Variants in PDE8B observed in about 807,000 individuals in gnomAD.
The protein encoded by PDE8B is phosphodiesterase 8B.
Under a neutral mutation model 101.3 loss-of-function variants are expected in PDE8B, and 26 were observed. The ratio of observed to expected loss-of-function variants is 0.26; its 90% CI spans 0.19 to 0.36. The LOEUF (loss-of-function observed/expected upper bound fraction) is 0.36. Among genes scored for constraint, PDE8B ranks in the 10% least tolerant of loss-of-function variants. PDE8B has a pLI of 1.00. For synonymous variants in PDE8B, 424 were observed against 429.3 expected, an observed-to-expected ratio of 0.99 and a Z score of 0.15; for missense variants, 810 against 1,163.1, an observed-to-expected ratio of 0.70 and a Z score of 4.42.
At chr5:77,122,897 G>A in the PDE8B span, among the ~76,000 whole-genome samples, 4 of 152,144 alleles carry the variant, frequency 2.6e-5, no homozygotes, top group African/African-American at 9.7e-5. Context: ...AAAAGGAAAC[G>A]AAAGGGGCAA....
chr5:77,370,175 A>G (rs1209601938), intron 10 of PDE8B, among the ~76,000 whole-genome samples: 4 of 152,222 alleles, frequency 2.6e-5, no homozygotes, highest in African/African-American at 7.2e-5. Context: ...TAAAATTAAC[A>G]TACAAAGAAA....
At chr5:77,378,809 T>TG (rs1469716791) in intron 10 of PDE8B, among the ~76,000 whole-genome samples, 1 of 152,208 alleles carries the variant, frequency 6.6e-6, no homozygotes, top group Non-Finnish European at 1.5e-5. Flanking sequence ...ACTCTGGGGA[T>TG]GGGGCCTATC....
the PDE8B span, among the ~76,000 whole-genome samples, chr5:77,179,000 T>G: frequency 6.6e-6 from 1 of 152,236 alleles, no homozygotes; most frequent in African/African-American, 2.4e-5. Context: ...CTTTGCCATG[T>G]TCCATAGGTG....
intron 1 of PDE8B, among the ~76,000 whole-genome samples, chr5:77,249,721 T>A (rs191456852): frequency 2.2e-4 from 34 of 152,356 alleles, no homozygotes; most frequent in East Asian, 1.7e-3. Flanking sequence ...TCCTGCCTTA[T>A]CAGCTGTCAA....
chr5:77,153,661 G>C, the PDE8B span, among the ~76,000 whole-genome samples: 1 of 143,098 alleles, frequency 7.0e-6, no homozygotes, highest in African/African-American at 2.7e-5. Flanking sequence ...TGCAACCTCC[G>C]CCTCCCAGAT....
chr5:77,120,012 A>G, the PDE8B span, among the ~76,000 whole-genome samples: 1 of 152,012 alleles, frequency 6.6e-6, no homozygotes, highest in Non-Finnish European at 1.5e-5. Flanking sequence ...ACAAAACAAA[A>G]CAAAACAAAA....
intron 1 of PDE8B, among the ~76,000 whole-genome samples, chr5:77,245,387 CTG>C (rs1756641709): frequency 6.6e-6 from 1 of 152,184 alleles, no homozygotes; most frequent in Admixed American, 6.5e-5. Context: ...TGTAACTTTT[CTG>C]TGACTTTATA....
At chr5:77,326,306 A>G (rs1479600) in intron 3 of PDE8B, among the ~76,000 whole-genome samples, 2,219 of 152,348 alleles carry the variant, frequency 0.015, 56 homozygotes, top group African/African-American at 0.05. Flanking sequence ...ATGCTCAGTC[A>G]TAAGAGTTAG....
At chr5:77,339,701 A>G (rs889249231) in intron 6 of PDE8B, among the ~76,000 whole-genome samples, 1 of 152,268 alleles carries the variant, frequency 6.6e-6, no homozygotes, top group South Asian at 2.1e-4. Flanking sequence ...TTCCCCTACA[A>G]TTCCGCCCCC....
At chr5:77,278,917 A>G (rs1764397890) in intron 1 of PDE8B, among the ~76,000 whole-genome samples, 1 of 152,212 alleles carries the variant, frequency 6.6e-6, no homozygotes. Flanking sequence ...TATGAAATAT[A>G]CAATGGGGAA....
chr5:77,298,377 T>C (rs549050492), intron 1 of PDE8B, among the ~76,000 whole-genome samples: 55 of 152,306 alleles, frequency 3.6e-4, no homozygotes, highest in African/African-American at 1.3e-3. Context: ...TTCTTGAAAT[T>C]GTGACGGTTT....
At chr5:77,096,338 A>G in the PDE8B span, among the ~76,000 whole-genome samples, 1 of 152,090 alleles carries the variant, frequency 6.6e-6, no homozygotes, top group Non-Finnish European at 1.5e-5. Flanking sequence ...GTACTTCCTT[A>G]CCATTCCCTA....
the PDE8B span, among the ~76,000 whole-genome samples, chr5:77,161,449 C>T: frequency 6.6e-6 from 1 of 151,952 alleles, no homozygotes; most frequent in East Asian, 1.9e-4. Flanking sequence ...TTTGATTATC[C>T]ATTCACCTAT....
intron 1 of PDE8B, among the ~76,000 whole-genome samples, chr5:77,221,586 A>C (rs1751108028): frequency 6.6e-6 from 1 of 152,184 alleles, no homozygotes; most frequent in South Asian, 2.1e-4. Context: ...GCTTATATCC[A>C]TTAGTCATTA....
rs71606290 is a variant in PDE8B, at chr5:77,397,026, A to ATTTTTTTTTTTTTTTT, written c.1168-3213_1168-3198dup. Among the ~76,000 whole-genome samples, 205 of 84,384 alleles carry ATTTTTTTTTTTTTTTT rather than the reference A, an allele frequency of 2.4e-3. 23 individuals carry two copies. The highest frequency in any genetic ancestry group is 0.01 in the African/African-American group (189 of 18,210). 55.4% of individuals were successfully genotyped at this position (84,384 alleles called of 152,430 possible). ...TTGGTTTCTATATTTCCGATAAGAA[A>ATTTTTTTTTTTTTTTT]TTTTTTTTTTTTTTTTTTTTTTTTG... On this transcript the variant is annotated intron_variant, in intron 10 of 21. Coordinates refer to ENST00000264917, the MANE Select transcript of PDE8B (RefSeq NM_003719.5).
intron 17 of PDE8B, among the ~76,000 whole-genome samples, chr5:77,414,753 A>G (rs1795201379): frequency 6.6e-6 from 1 of 152,024 alleles, no homozygotes; most frequent in Non-Finnish European, 1.5e-5. Context: ...TTTATACCAC[A>G]TGATGTTTCA....
chr5:77,093,550 C>G, the PDE8B span, among the ~76,000 whole-genome samples: 2 of 152,120 alleles, frequency 1.3e-5, no homozygotes, highest in African/African-American at 4.8e-5. Context: ...AAACTTTGCT[C>G]AACTAAAATT....
intron 9 of PDE8B, among the ~76,000 whole-genome samples, chr5:77,351,694 C>T (rs967111000): frequency 9.9e-5 from 15 of 152,156 alleles, no homozygotes; most frequent in African/African-American, 3.6e-4. Flanking sequence ...GAAAAATATG[C>T]AATTCCTCTT....
intron 1 of PDE8B, among the ~76,000 whole-genome samples, chr5:77,242,964 C>T (rs1200585425): frequency 6.6e-6 from 1 of 152,076 alleles, no homozygotes. Flanking sequence ...CTGCGCCCGG[C>T]CAAATTTCTT....
Sources: gnomAD v4.1 joint callset for allele counts (sites outside exome capture counted in the v4.1 genomes callset) on GRCh38, gnomAD v4.1.1 for gene constraint, MANE v1.5 for transcripts, NCBI Gene and HGNC (gene_info 2026-07-23, HGNC 2026-07-21) for gene names.